The following RSPO3 variants were observed in gnomAD, a reference collection of about 807,000 sequenced individuals.
The protein encoded by RSPO3 is R-spondin-3.
A neutral mutation model predicts 36.5 loss-of-function variants in RSPO3; 17 were observed. The ratio of observed to expected loss-of-function variants is 0.47; its 90% CI spans 0.32 to 0.70. The LOEUF (loss-of-function observed/expected upper bound fraction) is 0.70, where lower values mean the gene tolerates loss of function less well. Among genes scored for constraint, RSPO3 ranks in the 30% least tolerant of loss-of-function variants. The pLI, the probability that RSPO3 is intolerant of heterozygous loss-of-function variation, is 0.04. For synonymous variants in RSPO3, 108 were observed against 107.0 expected (o/e 1.01, Z -0.06); for missense variants, 294 against 322.5 (o/e 0.91, Z 0.68).
chr6:127,119,243 A>C lies in RSPO3; in HGVS notation c.51A>C (p.Glu17Asp). 6.2e-7 allele frequency: 1 copy of C among 1,613,620 alleles called. No individual in the cohort carries two copies. Among genetic ancestry groups the C allele is most frequent in the Non-Finnish European group, 8.5e-7 (1 of 1,179,764 alleles). The change falls in exon 1 of 5, where the codon GAA becomes GAC. Residue 17 changes from glutamate (E) to aspartate (D), a missense_variant. Physicochemically the swap from Glu to Asp is conservative, Grantham distance 45. Coordinates refer to ENST00000356698, the MANE Select transcript of RSPO3 (RefSeq NM_032784.5). ...SWLFIILNFM[E>D]YIGSQNASRG... Reference sequence around the variant, plus strand: ...TTTTTATCATTTTGAACTTTATGGAATACATCGGCAGCCAAAACGCCTCCC... The same window carrying C: ...TTTTTATCATTTTGAACTTTATGGACTACATCGGCAGCCAAAACGCCTCCC...
intron 4 of RSPO3, among the ~76,000 whole-genome samples, chr6:127,172,277 C>G (rs528111541): frequency 6.6e-6 from 1 of 150,602 alleles, no homozygotes; most frequent in African/African-American, 2.4e-5. Flanking sequence ...ATTTCCTAGT[C>G]TAAAACCAAA....
intron 4 of RSPO3, among the ~76,000 whole-genome samples, chr6:127,161,644 G>C (rs1366793912): frequency 6.6e-6 from 1 of 152,148 alleles, no homozygotes; most frequent in Non-Finnish European, 1.5e-5. Context: ...AGGCTTTTCT[G>C]CTAATTGGTG....
At chr6:127,138,032 A>G (rs532841756) in intron 1 of RSPO3, among the ~76,000 whole-genome samples, 26 of 152,304 alleles carry the variant, frequency 1.7e-4, no homozygotes, top group African/African-American at 5.8e-4. Flanking sequence ...TGGTATTTAT[A>G]TCACCTTCGT....
At chr6:127,171,873 A>G (rs1774941006) in intron 4 of RSPO3, among the ~76,000 whole-genome samples, 1 of 151,690 alleles carries the variant, frequency 6.6e-6, no homozygotes, top group Admixed American at 6.6e-5. Flanking sequence ...GGATCCCATT[A>G]ACCACTGATC....
At chr6:127,191,491 A>G (rs1775409096) in intron 4 of RSPO3, among the ~76,000 whole-genome samples, 1 of 152,212 alleles carries the variant, frequency 6.6e-6, no homozygotes, top group South Asian at 2.1e-4. Context: ...GCCATAGGAA[A>G]TGTTTATGTA....
chr6:127,155,463 C>T, intron 4 of RSPO3, 25 bp downstream of exon 4: 3 of 1,593,816 alleles, frequency 1.9e-6, no homozygotes, highest in Non-Finnish European at 2.6e-6. Context: ...ACAAAATGTG[C>T]TTGTTTGAAT....
At chr6:127,120,534 T>A (rs993171974) in intron 1 of RSPO3, among the ~76,000 whole-genome samples, 10 of 152,186 alleles carry the variant, frequency 6.6e-5, no homozygotes, top group African/African-American at 2.4e-4. Context: ...CCGGGAAGCC[T>A]TTCGGGGCAG....
At chr6:127,172,908 G>A (rs1358767627) in intron 4 of RSPO3, among the ~76,000 whole-genome samples, 1 of 151,734 alleles carries the variant, frequency 6.6e-6, no homozygotes, top group Admixed American at 6.6e-5. Context: ...AGGCTGAAAA[G>A]AGTATATAAC....
At chr6:127,187,829 A>T (rs549115409) in intron 4 of RSPO3, among the ~76,000 whole-genome samples, 1 of 152,322 alleles carries the variant, frequency 6.6e-6, no homozygotes, top group South Asian at 2.1e-4. Flanking sequence ...AATATAAATT[A>T]TAATACCCTG....
intron 4 of RSPO3, among the ~76,000 whole-genome samples, chr6:127,195,292 C>T (rs1775492100): frequency 6.6e-6 from 1 of 152,144 alleles, no homozygotes. Context: ...CCTCAGCCTT[C>T]TGCATAGCTG....
intron 4 of RSPO3, among the ~76,000 whole-genome samples, chr6:127,179,554 C>T (rs915714472): frequency 2.0e-5 from 3 of 151,786 alleles, no homozygotes; most frequent in African/African-American, 7.3e-5. Flanking sequence ...GACATGTGAA[C>T]TGAAATATAA....
chr6:127,139,131 A>G (rs1214420276), intron 1 of RSPO3, among the ~76,000 whole-genome samples: 1 of 152,208 alleles, frequency 6.6e-6, no homozygotes, highest in Non-Finnish European at 1.5e-5. Context: ...GTGCATGTAT[A>G]TTCTTCTTCA....
At chr6:127,182,204 T>C (rs1327820079) in intron 4 of RSPO3, among the ~76,000 whole-genome samples, 1 of 151,882 alleles carries the variant, frequency 6.6e-6, no homozygotes, top group African/African-American at 2.4e-5. Context: ...AAGTCATTCA[T>C]GAGGGACCCA....
At chr6:127,138,006 T>C (rs1405524194) in intron 1 of RSPO3, among the ~76,000 whole-genome samples, 1 of 152,216 alleles carries the variant, frequency 6.6e-6, no homozygotes, top group Non-Finnish European at 1.5e-5. Context: ...ATAATAATAA[T>C]GTAATACTGA....
chr6:127,176,592 A>G (rs1053970522), intron 4 of RSPO3, among the ~76,000 whole-genome samples: 2 of 151,368 alleles, frequency 1.3e-5, no homozygotes, highest in African/African-American at 2.4e-5. Context: ...AAAAAACTAC[A>G]GTGGGTTTTC....
Position 127,181,694 on chromosome 6 carries a change from G to C in RSPO3, c.635-14129G>C, listed in dbSNP as rs73771615. ...TTCCTCTCCCCAAATTCTGACATAA[G>C]AGATAAACAAGTAAGCCAACCTTAC... On this transcript the variant is annotated intron_variant, in intron 4 of 4. Coordinates refer to ENST00000356698, the MANE Select transcript of RSPO3 (RefSeq NM_032784.5). Among the ~76,000 whole-genome samples the C allele has an allele frequency of 5.4e-3, 825 of 151,942 alleles. 5 individuals are homozygous for C. The highest frequency in any genetic ancestry group is 0.018 in the African/African-American group (750 of 41,482).
chr6:127,142,392 T>C (rs1774290582), intron 1 of RSPO3, among the ~76,000 whole-genome samples: 2 of 152,170 alleles, frequency 1.3e-5, no homozygotes, highest in South Asian at 4.1e-4. Flanking sequence ...ATAATTCAAA[T>C]TTTTAACATT....
intron 1 of RSPO3, among the ~76,000 whole-genome samples, chr6:127,143,154 C>A (rs1233102616): frequency 6.6e-6 from 1 of 151,988 alleles, no homozygotes; most frequent in African/African-American, 2.4e-5. Context: ...TTCATTCCTT[C>A]AATAATCAAA....
At position 127,198,134 on chromosome 6, in the gene RSPO3, G is replaced by A. The variant is rs965440198; in HGVS notation, c.*2127G>A. 1.3e-5 allele frequency among the ~76,000 whole-genome samples: 2 copies of A among 152,236 alleles called. No individual in the cohort carries two copies. The highest frequency in any genetic ancestry group is 2.4e-5 in the African/African-American group (1 of 41,466). On this transcript the variant is annotated 3_prime_UTR_variant, in exon 5 of 5. Coordinates refer to ENST00000356698, the MANE Select transcript of RSPO3 (RefSeq NM_032784.5). Reference sequence around the variant, plus strand: ...AAAAGGGTTAAGTAAACCAGGACATGACAATGGTGGCAAATGACTATCAGG... The same window carrying A: ...AAAAGGGTTAAGTAAACCAGGACATAACAATGGTGGCAAATGACTATCAGG...
Sources: gnomAD v4.1 joint callset for allele counts (sites outside exome capture counted in the v4.1 genomes callset) on GRCh38, gnomAD v4.1.1 for gene constraint, MANE v1.5 for transcripts, NCBI Gene and HGNC (gene_info 2026-07-23, HGNC 2026-07-21) for gene names.